MFSD8: variants seen among roughly 807,000 people sequenced by gnomAD.
MFSD8 encodes major facilitator superfamily domain-containing protein 8.
In MFSD8, 55 loss-of-function variants were observed where a neutral mutation model predicts 66.4. That is an observed-to-expected ratio of 0.83 (90% CI 0.67 to 1.04). MFSD8 has a LOEUF of 1.04. Among genes scored for constraint, MFSD8 ranks in the 50% least tolerant of loss-of-function variants. MFSD8 has a pLI of 0.00. For synonymous variants in MFSD8, 202 were observed against 212.8 expected (o/e 0.95, Z 0.44); for missense variants, 550 against 627.6 (o/e 0.88, Z 1.32).
At chr4:127,962,328 C>G (rs1467613137) in intron 1 of MFSD8, among the ~76,000 whole-genome samples, 1 of 152,010 alleles carries the variant, frequency 6.6e-6, no homozygotes, top group African/African-American at 2.4e-5. Flanking sequence ...TTAGCCGTGT[C>G]TGGTGGCCCA....
intron 7 of MFSD8, among the ~76,000 whole-genome samples, chr4:127,936,165 A>G: frequency 6.6e-6 from 1 of 151,562 alleles, no homozygotes; most frequent in Non-Finnish European, 1.5e-5. Flanking sequence ...CCCAGGCTGG[A>G]GTACGTGGCG....
Position 127,936,115 on chromosome 4 carries a change from CT to C in MFSD8, c.754+2667del, listed in dbSNP as rs965601883. ...ATGAAGTATTTGGATTGTATTTATACTTTTTTTTTTTCTTTTTGAGACAGAG... is the reference window on the plus strand; with the variant it reads ...ATGAAGTATTTGGATTGTATTTATACTTTTTTTTTTCTTTTTGAGACAGAG... On this transcript the variant is annotated intron_variant, in intron 7 of 11. Transcript: ENST00000641686. Among the ~76,000 whole-genome samples the C allele has an allele frequency of 6.8e-3, 997 of 147,526 alleles. 14 individuals are homozygous for C. Among genetic ancestry groups the C allele is most frequent in the African/African-American group, 0.022 (907 of 40,460 alleles).
At chr4:127,965,645 A>G (rs1172808454), upstream of MFSD8, 3 of 189,810 alleles carry the variant, frequency 1.6e-5, no homozygotes, top group Admixed American at 5.5e-5. Context: ...GTGCGCTAAG[A>G]GCTCCCCGCG....
At chr4:127,946,294 C>T (rs773860192) in intron 3 of MFSD8, among the ~76,000 whole-genome samples, 6 of 152,096 alleles carry the variant, frequency 3.9e-5, no homozygotes, top group Non-Finnish European at 8.8e-5. Context: ...CAAAACTCAA[C>T]ATAGTATGCT....
chr4:127,921,365 G>T, intron 11 of MFSD8, 159 bp downstream of exon 11: 1 of 1,206,284 alleles, frequency 8.3e-7, no homozygotes. Flanking sequence ...ACCCAAGAAT[G>T]AACTTTATAG....
intron 1 of MFSD8, among the ~76,000 whole-genome samples, chr4:127,958,568 A>G (rs988957952): frequency 2.0e-5 from 3 of 152,188 alleles, no homozygotes; most frequent in Non-Finnish European, 4.4e-5. Flanking sequence ...TAATATATTT[A>G]AAGTGTTTAA....
upstream of MFSD8, chr4:127,965,373 G>T: frequency 1.7e-6 from 1 of 605,870 alleles, no homozygotes; most frequent in South Asian, 1.9e-5. Flanking sequence ...TCCTGACGGG[G>T]ACTGAGAGCC....
At position 127,940,516 on chromosome 4, in the gene MFSD8, G is replaced by GTATATATATA. The variant is rs67791219; in HGVS notation, c.554-529_554-520dup. ...TATCTTAAATATTATTCTGTATATG[G>GTATATATATA]TATATATATATATATATATATATGT... On this transcript the variant is annotated intron_variant, in intron 5 of 11. Transcript: ENST00000641686. Among the ~76,000 whole-genome samples the GTATATATATA allele has an allele frequency of 4.3e-3, 596 of 138,182 alleles. 1 individual carries two copies. The highest frequency in any genetic ancestry group is 5.8e-3 in the African/African-American group (218 of 37,472). 90.7% of individuals were successfully genotyped at this position (138,182 alleles called of 152,430 possible).
At chr4:127,938,379 C>T (rs1044773326) in intron 7 of MFSD8, among the ~76,000 whole-genome samples, 44 of 151,714 alleles carry the variant, frequency 2.9e-4, no homozygotes, top group African/African-American at 9.0e-4. Context: ...GTCAGGAGAT[C>T]GAGACCATCC....
At chr4:127,936,674 ATTT>A (rs1026036805) in intron 7 of MFSD8, among the ~76,000 whole-genome samples, 7 of 151,654 alleles carry the variant, frequency 4.6e-5, no homozygotes, top group African/African-American at 1.7e-4. Flanking sequence ...TCTGTGTTTT[ATTT>A]TTTATTATAA....
chr4:127,938,538 G>A (rs1480098411), intron 7 of MFSD8, among the ~76,000 whole-genome samples: 3 of 148,598 alleles, frequency 2.0e-5, no homozygotes, highest in South Asian at 2.1e-4. Context: ...AGCAGAGATC[G>A]CACCACTGCA....
At chr4:127,961,954 G>C (rs1260142440) in intron 1 of MFSD8, among the ~76,000 whole-genome samples, 1 of 151,808 alleles carries the variant, frequency 6.6e-6, no homozygotes, top group Non-Finnish European at 1.5e-5. Context: ...AGGTTGTAAT[G>C]ACACACAGTT....
chr4:127,961,082 A>C (rs187778240), intron 1 of MFSD8, among the ~76,000 whole-genome samples: 1 of 152,270 alleles, frequency 6.6e-6, no homozygotes, highest in Admixed American at 6.5e-5. Context: ...GGGAGCACTG[A>C]GGATTCAAGA....
At chr4:127,958,750 T>A (rs1743282767) in intron 1 of MFSD8, among the ~76,000 whole-genome samples, 1 of 152,192 alleles carries the variant, frequency 6.6e-6, no homozygotes, top group Non-Finnish European at 1.5e-5. Context: ...AGTTAGGGAA[T>A]CAAGAAGTAA....
chr4:127,920,518 C>A lies in MFSD8; in HGVS notation c.*112G>T. 1 of 1,014,564 alleles carries A rather than the reference C, an allele frequency of 9.9e-7. No individual in the cohort carries two copies. The allele number at this position is 1,014,564 out of a possible 1,614,324, so 62.8% of individuals were successfully genotyped here. On this transcript the variant is annotated 3_prime_UTR_variant, in exon 12 of 12. Coordinates refer to ENST00000641686, the MANE Select transcript of MFSD8 (RefSeq NM_001371596.2). ...AACATATGTTCTTGTTCTTCAAAAT[C>A]TGCAATATCTGTAGTCTGATTCTTG...
intron 9 of MFSD8, among the ~76,000 whole-genome samples, chr4:127,927,455 C>T (rs946895379): frequency 3.9e-5 from 6 of 152,122 alleles, no homozygotes; most frequent in African/African-American, 9.7e-5. Context: ...GGATTGCAGG[C>T]GTGAGCCACT....
intron 5 of MFSD8, 89 bp from the exon 6 acceptor site, chr4:127,940,086 A>G: frequency 8.2e-7 from 1 of 1,225,838 alleles, no homozygotes; most frequent in Non-Finnish European, 1.2e-6. Flanking sequence ...AGAATTGGGA[A>G]CAATGTTATG....
At position 127,938,824 on chromosome 4, in the gene MFSD8, T is replaced by C. The variant is rs1428244742; in HGVS notation, c.713A>G (p.Asp238Gly). ...ACTTTTACACTGTCTTCCTGAGTCA[T>C]CCACACGATGTTCTCTTAAAAAGAA... Reference protein sequence around the residue: ...ILAILREHRVDDSGRQCKSIN... With the variant: ...ILAILREHRVGDSGRQCKSIN... The change falls in exon 7 of 12, where the codon GAT (aspartate) becomes GGT (glycine). Residue 238 changes from aspartate (D) to glycine (G), a missense_variant. Asp to Gly is a moderately conservative substitution (Grantham distance 94). Transcript: ENST00000641686. 6.2e-7 allele frequency: 1 copy of C among 1,609,030 alleles called. No individual in the cohort carries two copies. Among genetic ancestry groups the C allele is most frequent in the Admixed American group, 1.7e-5 (1 of 59,880 alleles).
intron 5 of MFSD8, among the ~76,000 whole-genome samples, chr4:127,940,235 T>A (rs962267463): frequency 6.6e-6 from 1 of 151,830 alleles, no homozygotes; most frequent in Non-Finnish European, 1.5e-5. Flanking sequence ...GACACATCTG[T>A]GGCACTAAAA....
Sources: gnomAD v4.1 joint callset for allele counts (sites outside exome capture counted in the v4.1 genomes callset) on GRCh38, gnomAD v4.1.1 for gene constraint, MANE v1.5 for transcripts, NCBI Gene and HGNC (gene_info 2026-07-23, HGNC 2026-07-21) for gene names.